Variants in MARCHF1 observed in about 807,000 individuals in gnomAD.
The protein encoded by MARCHF1 is E3 ubiquitin-protein ligase MARCHF1.
A neutral mutation model predicts 54.2 loss-of-function variants in MARCHF1; 40 were observed. That is an observed-to-expected ratio of 0.74 (90% CI 0.57 to 0.96). MARCHF1 has a LOEUF of 0.96. MARCHF1 is among the 40% of genes least tolerant of loss of function. MARCHF1 has a pLI of 0.00. For missense variants in MARCHF1, 586 were observed against 656.5 expected (o/e 0.89, Z 1.17); for synonymous variants, 236 against 236.3 (o/e 1.00, Z 0.01).
At chr4:163,915,908 T>G (rs1433229389) in intron 3 of MARCHF1, among the ~76,000 whole-genome samples, 1 of 152,134 alleles carries the variant, frequency 6.6e-6, no homozygotes, top group Non-Finnish European at 1.5e-5. Flanking sequence ...ACTTGGCCAG[T>G]GGCTTGATAC....
chr4:163,681,958 A>G (rs1448729820), intron 5 of MARCHF1, among the ~76,000 whole-genome samples: 1 of 152,180 alleles, frequency 6.6e-6, no homozygotes, highest in African/African-American at 2.4e-5. Context: ...AACTTCCTAG[A>G]GACTTGGAGG....
chr4:163,762,952 A>T (rs1026226067), intron 4 of MARCHF1, among the ~76,000 whole-genome samples: 1 of 152,124 alleles, frequency 6.6e-6, no homozygotes, highest in African/African-American at 2.4e-5. Context: ...TCAGAGGACA[A>T]TATAAACCAC....
intron 4 of MARCHF1, among the ~76,000 whole-genome samples, chr4:163,829,617 G>A (rs1198253217): frequency 5.9e-5 from 9 of 152,142 alleles, no homozygotes; most frequent in Admixed American, 3.9e-4. Flanking sequence ...CAGGGTAAAA[G>A]GAAGACAATA....
At chr4:163,671,891 G>A (rs908682787) in intron 5 of MARCHF1, among the ~76,000 whole-genome samples, 1 of 151,822 alleles carries the variant, frequency 6.6e-6, no homozygotes, top group African/African-American at 2.4e-5. Context: ...TATCTCAACA[G>A]TCTTTTAAAA....
At chr4:163,822,083 T>C (rs1748708766) in intron 4 of MARCHF1, among the ~76,000 whole-genome samples, 4 of 151,982 alleles carry the variant, frequency 2.6e-5, no homozygotes, top group Admixed American at 2.6e-4. Context: ...TTATTTATCC[T>C]GTTTTTAAAC....
chr4:164,093,635 T>C (rs983103242), intron 2 of MARCHF1, among the ~76,000 whole-genome samples: 1 of 152,154 alleles, frequency 6.6e-6, no homozygotes, highest in Non-Finnish European at 1.5e-5. Flanking sequence ...ACTCCCTACA[T>C]TTCAAGTTTC....
At chr4:163,715,185 C>T (rs1010029163) in intron 4 of MARCHF1, among the ~76,000 whole-genome samples, 17 of 152,284 alleles carry the variant, frequency 1.1e-4, no homozygotes, top group African/African-American at 3.4e-4. Context: ...TGTTTGGCAG[C>T]AGTATTGGAT....
chr4:163,786,196 GTTAAT>G (rs1282293656), intron 4 of MARCHF1, among the ~76,000 whole-genome samples: 5 of 152,126 alleles, frequency 3.3e-5, no homozygotes, highest in Non-Finnish European at 5.9e-5. Context: ...ACTAAGTTGT[GTTAAT>G]TTGTTATAGC....
chr4:163,968,469 G>T (rs571586819), intron 3 of MARCHF1, among the ~76,000 whole-genome samples: 1 of 152,012 alleles, frequency 6.6e-6, no homozygotes, highest in African/African-American at 2.4e-5. Context: ...TGTCTTTCTC[G>T]AAAACTCAGA....
intron 9 of MARCHF1, among the ~76,000 whole-genome samples, chr4:163,532,663 A>G (rs1263757292): frequency 1.3e-5 from 2 of 152,004 alleles, no homozygotes; most frequent in African/African-American, 4.8e-5. Context: ...CAAAATATAC[A>G]AAGATCTGTT....
intron 3 of MARCHF1, among the ~76,000 whole-genome samples, chr4:163,963,698 T>A (rs919331470): frequency 1.3e-5 from 2 of 151,918 alleles, no homozygotes; most frequent in Non-Finnish European, 2.9e-5. Context: ...CTATGCTAAT[T>A]CCAGGTCTTT....
chr4:164,213,175 TTTAA>T (rs1383571234), intron 1 of MARCHF1, among the ~76,000 whole-genome samples: 1 of 150,702 alleles, frequency 6.6e-6, no homozygotes, highest in Non-Finnish European at 1.5e-5. Flanking sequence ...CAATAATGCC[TTTAA>T]TTACTTTTCT....
chr4:163,798,150 A>C (rs1747973752), intron 4 of MARCHF1, among the ~76,000 whole-genome samples: 1 of 152,200 alleles, frequency 6.6e-6, no homozygotes, highest in Admixed American at 6.5e-5. Context: ...AAATGAGATC[A>C]TGAGTATGGA....
intron 2 of MARCHF1, among the ~76,000 whole-genome samples, chr4:164,100,187 G>C (rs577956715): frequency 3.8e-4 from 57 of 151,882 alleles, no homozygotes; most frequent in Non-Finnish European, 6.3e-4. Context: ...CAACTACCTA[G>C]TATAGAACAT....
intron 4 of MARCHF1, among the ~76,000 whole-genome samples, chr4:163,783,127 T>C (rs1007321394): frequency 6.6e-6 from 1 of 152,230 alleles, no homozygotes; most frequent in African/African-American, 2.4e-5. Flanking sequence ...AGTTATCTGA[T>C]ATATGCCTTC....
chr4:163,859,312 A>G (rs939139995), intron 3 of MARCHF1, among the ~76,000 whole-genome samples: 2 of 152,006 alleles, frequency 1.3e-5, no homozygotes, highest in Non-Finnish European at 2.9e-5. Context: ...GGCACAATAC[A>G]AGGAAGTAGG....
intron 8 of MARCHF1, among the ~76,000 whole-genome samples, chr4:163,568,271 T>C (rs898626407): frequency 6.6e-6 from 1 of 152,200 alleles, no homozygotes; most frequent in African/African-American, 2.4e-5. Flanking sequence ...CCTGAGACCC[T>C]TTCAAGGGAT....
intron 3 of MARCHF1, among the ~76,000 whole-genome samples, chr4:163,916,849 A>G (rs1751318667): frequency 6.6e-6 from 1 of 152,072 alleles, no homozygotes; most frequent in Non-Finnish European, 1.5e-5. Context: ...ACACTGACAC[A>G]TCATTATTAC....
At chr4:163,630,609 TAAG>T (rs1244441598) in intron 5 of MARCHF1, among the ~76,000 whole-genome samples, 6 of 152,196 alleles carry the variant, frequency 3.9e-5, no homozygotes, top group Admixed American at 3.3e-4. Context: ...ATAAATTTGA[TAAG>T]AATAAAGTTT....
Sources: gnomAD v4.1 joint callset for allele counts (sites outside exome capture counted in the v4.1 genomes callset) on GRCh38, gnomAD v4.1.1 for gene constraint, MANE v1.5 for transcripts, NCBI Gene and HGNC (gene_info 2026-07-23, HGNC 2026-07-21) for gene names.